Variants in SGCD observed in about 807,000 individuals in gnomAD.
SGCD encodes sarcoglycan delta, also known as delta-sarcoglycan.
A neutral mutation model predicts 36.6 loss-of-function variants in SGCD; 18 were observed. The observed-to-expected ratio is 0.49, with a 90% CI of 0.34 to 0.73. The LOEUF (loss-of-function observed/expected upper bound fraction) is 0.73, where lower values mean the gene tolerates loss of function less well. Among genes scored for constraint, SGCD ranks in the 30% least tolerant of loss-of-function variants. The pLI is 0.01. For synonymous variants in SGCD, 133 were observed against 130.6 expected (o/e 1.02, Z -0.12); for missense variants, 387 against 346.7 (o/e 1.12, Z -0.92).
chr5:156,471,827 T>C (rs1018289497), intron 3 of SGCD, among the ~76,000 whole-genome samples: 1 of 151,794 alleles, frequency 6.6e-6, no homozygotes, highest in African/African-American at 2.4e-5. Flanking sequence ...AAAGACACCA[T>C]TAAGAAAATG....
At chr5:156,341,679 C>T (rs1274025673) in intron 2 of SGCD, among the ~76,000 whole-genome samples, 1 of 152,080 alleles carries the variant, frequency 6.6e-6, no homozygotes, top group African/African-American at 2.4e-5. Context: ...GTTACTTAAC[C>T]TGAGTACAGA....
intron 3 of SGCD, among the ~76,000 whole-genome samples, chr5:156,406,376 G>A (rs1316718035): frequency 6.6e-6 from 1 of 151,968 alleles, no homozygotes; most frequent in African/African-American, 2.4e-5. Context: ...AGCCATCCTT[G>A]TGCACTCTGT....
At chr5:156,126,705 A>T (rs2127604510) in intron 3 of SGCD, among the ~76,000 whole-genome samples, 1 of 152,316 alleles carries the variant, frequency 6.6e-6, no homozygotes, top group Non-Finnish European at 1.5e-5. Flanking sequence ...TCAAGTGCAG[A>T]CACTATTAAT....
At chr5:156,023,748 A>T (rs1427706846) in intron 1 of SGCD, among the ~76,000 whole-genome samples, 1 of 152,224 alleles carries the variant, frequency 6.6e-6, no homozygotes, top group Non-Finnish European at 1.5e-5. Context: ...GCATTGTTCA[A>T]GATGCACAGT....
At chr5:156,144,006 C>T (rs535462028) in intron 3 of SGCD, among the ~76,000 whole-genome samples, 46 of 149,880 alleles carry the variant, frequency 3.1e-4, no homozygotes, top group African/African-American at 8.3e-4. Flanking sequence ...TTTTTCCTTG[C>T]GATAGTTTGC....
chr5:156,395,579 C>T (rs6869537), intron 3 of SGCD, among the ~76,000 whole-genome samples: 25,451 of 152,108 alleles, frequency 0.17, 2,247 homozygotes, highest in South Asian at 0.25. Context: ...GTTTTATATA[C>T]GGTCTGGCCA....
intron 3 of SGCD, among the ~76,000 whole-genome samples, chr5:156,285,822 A>G (rs1226704223): frequency 6.6e-6 from 1 of 152,154 alleles, no homozygotes; most frequent in African/African-American, 2.4e-5. Flanking sequence ...AAATTGACAA[A>G]TGGGATCTAA....
the SGCD span, among the ~76,000 whole-genome samples, chr5:155,826,220 C>T: frequency 6.6e-6 from 1 of 152,168 alleles, no homozygotes; most frequent in Non-Finnish European, 1.5e-5. Context: ...ACATGTGTTT[C>T]TCATGTTGAT....
At chr5:156,068,105 T>TTTTTATTTTA (rs879680827) in intron 1 of SGCD, among the ~76,000 whole-genome samples, 276 of 147,704 alleles carry the variant, frequency 1.9e-3, no homozygotes, top group African/African-American at 6.4e-3. Flanking sequence ...TATATTTTTA[T>TTTTTATTTTA]TTTTATTTTA....
intron 1 of SGCD, among the ~76,000 whole-genome samples, chr5:155,982,762 C>T (rs551557339): frequency 1.3e-5 from 2 of 152,270 alleles, no homozygotes; most frequent in South Asian, 2.1e-4. Context: ...ATGAATGACT[C>T]GGTCTGGGCT....
the SGCD span, among the ~76,000 whole-genome samples, chr5:155,854,047 C>G: frequency 6.6e-6 from 1 of 152,156 alleles, no homozygotes; most frequent in African/African-American, 2.4e-5. Context: ...AAAATATACT[C>G]TATTTAACCT....
At chr5:156,416,128 A>G (rs891341415) in intron 3 of SGCD, among the ~76,000 whole-genome samples, 3 of 152,222 alleles carry the variant, frequency 2.0e-5, no homozygotes, top group African/African-American at 7.2e-5. Context: ...GGAAATGCCC[A>G]TCAATCAAGT....
chr5:156,032,218 G>A (rs1759363519), intron 1 of SGCD, among the ~76,000 whole-genome samples: 1 of 151,524 alleles, frequency 6.6e-6, no homozygotes, highest in African/African-American at 2.4e-5. Context: ...TGTTAATGGT[G>A]ATTTGTTTTT....
chr5:156,384,295 A>G (rs1771156201), intron 3 of SGCD, among the ~76,000 whole-genome samples: 1 of 152,192 alleles, frequency 6.6e-6, no homozygotes, highest in African/African-American at 2.4e-5. Context: ...CTAGCTCTTA[A>G]TATAAATCCC....
intron 3 of SGCD, among the ~76,000 whole-genome samples, chr5:156,416,013 ACAGTTATTCCACTGTCTTTC>A (rs1773010615): frequency 1.3e-5 from 2 of 152,242 alleles, no homozygotes; most frequent in African/African-American, 4.8e-5. Context: ...TAGAGCAATT[ACAGTTATTCCACTGTCTTTC>A]CACAGTTACA....
intron 1 of SGCD, among the ~76,000 whole-genome samples, chr5:155,988,119 A>G (rs1299150577): frequency 1.3e-5 from 2 of 152,094 alleles, no homozygotes; most frequent in East Asian, 1.9e-4. Context: ...AGATTTTTTG[A>G]CTCAAGAGAT....
chr5:156,601,324 G>T (rs989304285), intron 6 of SGCD, among the ~76,000 whole-genome samples: 2 of 152,148 alleles, frequency 1.3e-5, no homozygotes, highest in Non-Finnish European at 2.9e-5. Context: ...ATAGTGAGAG[G>T]TAGAGGTCTA....
At chr5:156,740,834 CTGACCACAATGAAAT>C (rs1756633905) in intron 7 of SGCD, among the ~76,000 whole-genome samples, 1 of 152,188 alleles carries the variant, frequency 6.6e-6, no homozygotes, top group Non-Finnish European at 1.5e-5. Context: ...CCTTGTGATT[CTGACCACAATGAAAT>C]TTCCCACCCA....
chr5:156,036,746 T>G (rs1459424239), intron 1 of SGCD, among the ~76,000 whole-genome samples: 1 of 152,198 alleles, frequency 6.6e-6, no homozygotes, highest in Non-Finnish European at 1.5e-5. Flanking sequence ...TTTCCTTTAT[T>G]TCCATACTTG....
Sources: gnomAD v4.1 joint callset for allele counts (sites outside exome capture counted in the v4.1 genomes callset) on GRCh38, gnomAD v4.1.1 for gene constraint, MANE v1.5 for transcripts, NCBI Gene and HGNC (gene_info 2026-07-23, HGNC 2026-07-21) for gene names.